The following LMNTD1 variants were observed in gnomAD, a reference collection of about 807,000 sequenced individuals.
The protein encoded by LMNTD1 is lamin tail domain containing 1.
In LMNTD1, 35 loss-of-function variants were observed where a neutral mutation model predicts 50.9. The observed-to-expected ratio is 0.69, with a 90% CI of 0.53 to 0.91. LMNTD1 has a LOEUF of 0.91. LMNTD1 is among the 40% of genes least tolerant of loss of function. The pLI, the probability that LMNTD1 is intolerant of heterozygous loss-of-function variation, is 0.00. For synonymous variants in LMNTD1, 153 were observed against 161.9 expected, an observed-to-expected ratio of 0.94 and a Z score of 0.42; for missense variants, 470 against 475.5, an observed-to-expected ratio of 0.99 and a Z score of 0.11.
Position 25,503,780 on chromosome 12 carries a change from A to G in LMNTD1, c.1210T>C (p.Ser404Pro). ...ACTGCTTATTGCTTTTGTGACTCAG[A>G]TGTCTTCTTTTTCTTAGACCCTGAA... ...RASGSKKKKT[S>P]ESQKQ is the part of the protein sequence containing the mutation. Residue 404 changes from serine to proline, a missense_variant, in exon 9 of 10, where the codon TCT becomes CCT. Ser to Pro is a moderately conservative substitution (Grantham distance 74). Coordinates refer to ENST00000458174, the MANE Select transcript of LMNTD1 (RefSeq NM_001145728.2). The G allele has an allele frequency of 6.3e-7, 1 of 1,586,852 alleles. No homozygotes were observed. Among genetic ancestry groups the G allele is most frequent in the Non-Finnish European group, 8.6e-7 (1 of 1,163,512 alleles).
chr12:25,561,919 T>C (rs1175261430), intron 1 of LMNTD1, among the ~76,000 whole-genome samples: 1 of 152,170 alleles, frequency 6.6e-6, no homozygotes, highest in Admixed American at 6.5e-5. Context: ...TTGATCTTCG[T>C]TGGTTTAAAG....
At chr12:25,535,687 A>G (rs554066040) in intron 4 of LMNTD1, among the ~76,000 whole-genome samples, 88 of 152,224 alleles carry the variant, frequency 5.8e-4, no homozygotes, top group Non-Finnish European at 1.0e-3. Flanking sequence ...TGGGACAAAG[A>G]AAAAACAAAT....
Position 25,520,084 on chromosome 12 carries a change from A to C in LMNTD1, c.799-9T>G. On this transcript the variant is annotated splice_polypyrimidine_tract_variant and intron_variant, in intron 6 of 9. Coordinates refer to ENST00000458174, the MANE Select transcript of LMNTD1 (RefSeq NM_001145728.2). ...GTGTACCACGCAATGGCCTAATGAAAATGATTTATTAATGTTGGCTATGTA... is the reference window on the plus strand; with the variant it reads ...GTGTACCACGCAATGGCCTAATGAACATGATTTATTAATGTTGGCTATGTA... The C allele has an allele frequency of 6.3e-7, 1 of 1,584,472 alleles. No homozygotes were observed.
chr12:25,543,749 CT>C (rs926463095), intron 4 of LMNTD1, among the ~76,000 whole-genome samples: 1 of 150,990 alleles, frequency 6.6e-6, no homozygotes, highest in Non-Finnish European at 1.5e-5. Context: ...TTTAGTACTG[CT>C]TTTTTTTGTG....
rs921967282 is a variant in LMNTD1 at position 25,503,655 on chromosome 12, T to C, written c.*22+83A>G. 3.9e-6 allele frequency: 3 copies of C among 759,990 alleles called. No individual in the cohort carries two copies. In the African/African-American group the frequency reaches 5.3e-5, roughly 13 times the overall value. The allele number at this position is 759,990 out of a possible 1,614,324, so 47.1% of individuals were successfully genotyped here. A position where few individuals can be genotyped will look rare whatever the true frequency, so the allele number is the denominator to read the frequency against. On this transcript the variant is annotated intron_variant, in intron 9 of 9. Coordinates refer to ENST00000458174, the MANE Select transcript of LMNTD1 (RefSeq NM_001145728.2). ...TATATAAGGACAACCCATGTTCTGA[T>C]GACTTTCAAAGACATTTCTGCCCAT...
In LMNTD1 at chr12:25,503,877, A is replaced by G. The variant is rs1939537935; in HGVS notation, c.1190-77T>C. 11 of 718,414 alleles carry G rather than the reference A, an allele frequency of 1.5e-5. No homozygotes were observed. The South Asian group carries it at 2.1e-4, about 14-fold the overall frequency. 44.5% of individuals were successfully genotyped at this position (718,414 alleles called of 1,614,324 possible). A position where few individuals can be genotyped will look rare whatever the true frequency, so the allele number is the denominator to read the frequency against. On this transcript the variant is annotated intron_variant, in intron 8 of 9. Coordinates refer to ENST00000458174, the MANE Select transcript of LMNTD1 (RefSeq NM_001145728.2). ...GGCAAGAGTTCAGTCCAGTATTCCA[A>G]GTATTGATTTTTCCATGTTAAAACA...
chr12:25,503,318 A>T (rs1375502405), intron 9 of LMNTD1, among the ~76,000 whole-genome samples: 1 of 152,248 alleles, frequency 6.6e-6, no homozygotes, highest in East Asian at 1.9e-4. Context: ...AATATCATTT[A>T]GCAAGTGAGA....
intron 1 of LMNTD1, among the ~76,000 whole-genome samples, chr12:25,571,652 C>T (rs114205919): frequency 0.028 from 4,307 of 151,626 alleles, 115 homozygotes; most frequent in African/African-American, 0.068. Flanking sequence ...CATGAGCTAC[C>T]ATTCCCAACC....
chr12:25,569,951 T>G (rs564984338), intron 1 of LMNTD1, among the ~76,000 whole-genome samples: 1 of 152,354 alleles, frequency 6.6e-6, no homozygotes, highest in South Asian at 2.1e-4. Context: ...CAGCCTAATA[T>G]ATGATGTATT....
intron 4 of LMNTD1, among the ~76,000 whole-genome samples, chr12:25,543,929 C>T (rs1445616361): frequency 6.6e-6 from 1 of 151,856 alleles, no homozygotes; most frequent in East Asian, 1.9e-4. Context: ...TGGTTTTATT[C>T]CAATGTGGTC....
chr12:25,569,434 T>C (rs549838091), intron 1 of LMNTD1, among the ~76,000 whole-genome samples: 3 of 152,330 alleles, frequency 2.0e-5, no homozygotes, highest in African/African-American at 7.2e-5. Context: ...AAGTCTCAGA[T>C]GAGACTTAGG....
At chr12:25,639,924 A>G (rs1313058483) in intron 1 of LMNTD1, among the ~76,000 whole-genome samples, 1 of 152,254 alleles carries the variant, frequency 6.6e-6, no homozygotes, top group Non-Finnish European at 1.5e-5. Context: ...ATGAATGAAT[A>G]AACAAAATGT....
chr12:25,600,286 C>A (rs1335757331), intron 1 of LMNTD1, among the ~76,000 whole-genome samples: 2 of 151,998 alleles, frequency 1.3e-5, no homozygotes, highest in Non-Finnish European at 2.9e-5. Context: ...TCACCACATA[C>A]AAAACCACAA....
At chr12:25,511,918 C>A (rs377169579) in intron 8 of LMNTD1, among the ~76,000 whole-genome samples, 2 of 152,182 alleles carry the variant, frequency 1.3e-5, no homozygotes, top group Admixed American at 6.5e-5. Context: ...GCTTTGCCCC[C>A]CCTCTTTTCA....
chr12:25,617,312 G>T (rs1946369977), intron 1 of LMNTD1, among the ~76,000 whole-genome samples: 1 of 152,242 alleles, frequency 6.6e-6, no homozygotes, highest in Non-Finnish European at 1.5e-5. Context: ...CAGTGTCCCT[G>T]TGCAGTCTTG....
At chr12:25,603,075 T>TG (rs1946014026) in intron 1 of LMNTD1, among the ~76,000 whole-genome samples, 3 of 152,118 alleles carry the variant, frequency 2.0e-5, no homozygotes, top group African/African-American at 7.2e-5. Flanking sequence ...CACAATAAGG[T>TG]GTTCCCCCTC....
At chr12:25,644,476 A>G (rs1947022709) in intron 1 of LMNTD1, among the ~76,000 whole-genome samples, 1 of 152,108 alleles carries the variant, frequency 6.6e-6, no homozygotes, top group South Asian at 2.1e-4. Flanking sequence ...GACCTGTCTC[A>G]ACAACAAACA....
chr12:25,505,376 A>C (rs761232580), intron 8 of LMNTD1, among the ~76,000 whole-genome samples: 1 of 152,206 alleles, frequency 6.6e-6, no homozygotes, highest in Non-Finnish European at 1.5e-5. Flanking sequence ...ATGTTTTGAA[A>C]TAAAATATCT....
intron 1 of LMNTD1, among the ~76,000 whole-genome samples, chr12:25,646,902 GA>G (rs1947084124): frequency 6.6e-6 from 1 of 152,262 alleles, no homozygotes; most frequent in South Asian, 2.1e-4. Flanking sequence ...CAAATAATAT[GA>G]AAACTTCTCT....
Sources: gnomAD v4.1 joint callset for allele counts (sites outside exome capture counted in the v4.1 genomes callset) on GRCh38, gnomAD v4.1.1 for gene constraint, MANE v1.5 for transcripts, NCBI Gene and HGNC (gene_info 2026-07-23, HGNC 2026-07-21) for gene names.